Variants in CAMK1D observed in about 807,000 individuals in gnomAD.
The protein encoded by CAMK1D is calcium/calmodulin dependent protein kinase ID.
A neutral mutation model predicts 47.7 loss-of-function variants in CAMK1D; 9 were observed. That is an observed-to-expected ratio of 0.19 (90% confidence interval 0.11 to 0.33). CAMK1D has a LOEUF of 0.33. Among genes scored for constraint, CAMK1D ranks in the 10% least tolerant of loss-of-function variants. The pLI, the probability that CAMK1D is intolerant of heterozygous loss-of-function variation, is 1.00. For synonymous variants in CAMK1D, 184 were observed against 184.9 expected (o/e 0.99, Z 0.04); for missense variants, 291 against 488.7 (o/e 0.60, Z 3.81).
rs377686034 is a variant in CAMK1D at position 12,816,915 on chromosome 10, C to T, written c.833+587C>T. On this transcript the variant is annotated intron_variant, in intron 8 of 10. Coordinates refer to ENST00000619168, the MANE Select transcript of CAMK1D (RefSeq NM_153498.4). ...AAAAAAAGACATACCCGAGACTGGG[C>T]AATTTACAAAAGGAGGAGGTTTCAT... Among the ~76,000 whole-genome samples the T allele has an allele frequency of 6.1e-5, 9 of 148,000 alleles. No homozygotes were observed. The South Asian group carries it at 1.1e-3, about 18-fold the overall frequency.
At chr10:12,604,237 A>G (rs1380259091) in intron 2 of CAMK1D, among the ~76,000 whole-genome samples, 5 of 152,160 alleles carry the variant, frequency 3.3e-5, no homozygotes, top group African/African-American at 9.7e-5. Flanking sequence ...ATCATCGTTC[A>G]TTGTGAACGA....
At chr10:12,638,618 T>C (rs1482025947) in intron 2 of CAMK1D, among the ~76,000 whole-genome samples, 1 of 152,132 alleles carries the variant, frequency 6.6e-6, no homozygotes, top group Non-Finnish European at 1.5e-5. Context: ...GCACCCTCAG[T>C]TGGATGCCGC....
intron 1 of CAMK1D, among the ~76,000 whole-genome samples, chr10:12,351,367 C>G (rs1348185147): frequency 6.6e-6 from 1 of 152,126 alleles, no homozygotes; most frequent in Non-Finnish European, 1.5e-5. Context: ...TGGGTCAAAA[C>G]TTTTGAAAAT....
At chr10:12,652,016 TG>T (rs1839986230) in intron 2 of CAMK1D, among the ~76,000 whole-genome samples, 1 of 151,870 alleles carries the variant, frequency 6.6e-6, no homozygotes, top group Admixed American at 6.5e-5. Context: ...CCTGACCTCG[TG>T]ATCTGCCCGC....
At position 12,801,391 on chromosome 10, in the gene CAMK1D, T is replaced by TATCTATCTATCTATCTATCTATCC. The variant is rs1242051924; in HGVS notation, c.641+10161_641+10162insTATCTATCTATCTATCTATCCATC. 8.8e-3 allele frequency among the ~76,000 whole-genome samples: 1,283 copies of TATCTATCTATCTATCTATCTATCC among 145,126 alleles called. 14 individuals are homozygous for TATCTATCTATCTATCTATCTATCC. The highest frequency in any genetic ancestry group is 0.013 in the Non-Finnish European group (829 of 65,660). On this transcript the variant is annotated intron_variant, in intron 6 of 10. Coordinates refer to ENST00000619168, the MANE Select transcript of CAMK1D (RefSeq NM_153498.4). ...CTATCTATCTATCTATCTATCTATC[T>TATCTATCTATCTATCTATCTATCC]ATCCATCCATCTGTCCATCTCATTC...
intron 1 of CAMK1D, among the ~76,000 whole-genome samples, chr10:12,426,900 A>G (rs1332056339): frequency 1.3e-5 from 2 of 152,088 alleles, no homozygotes; most frequent in African/African-American, 4.8e-5. Flanking sequence ...ATTTTAGTAG[A>G]GACAGGCTGT....
chr10:12,818,658 G>C (rs1030062608), intron 8 of CAMK1D, among the ~76,000 whole-genome samples: 1 of 147,568 alleles, frequency 6.8e-6, no homozygotes, highest in African/African-American at 2.6e-5. Context: ...GCCACAGAGC[G>C]AGACTCTGTC....
At chr10:12,527,694 A>G (rs1451144850) in intron 1 of CAMK1D, among the ~76,000 whole-genome samples, 1 of 152,176 alleles carries the variant, frequency 6.6e-6, no homozygotes, top group African/African-American at 2.4e-5. Context: ...CTTTTGGATC[A>G]AAGTCAAGAG....
intron 1 of CAMK1D, among the ~76,000 whole-genome samples, chr10:12,462,246 A>C (rs1452341268): frequency 7.2e-6 from 1 of 138,904 alleles, no homozygotes; most frequent in Admixed American, 8.1e-5. Flanking sequence ...GCTCACTGCA[A>C]CCTTCGCCTC....
At chr10:12,682,469 TA>T (rs1832482059) in intron 3 of CAMK1D, among the ~76,000 whole-genome samples, 1 of 152,226 alleles carries the variant, frequency 6.6e-6, no homozygotes, top group Non-Finnish European at 1.5e-5. Context: ...ATCATACCTA[TA>T]AAAATATTTT....
chr10:12,522,795 C>T (rs1393790417), intron 1 of CAMK1D, among the ~76,000 whole-genome samples: 1 of 143,830 alleles, frequency 7.0e-6, no homozygotes, highest in African/African-American at 2.6e-5. Flanking sequence ...CGCCCACCAC[C>T]TCCCAGACGG....
intron 3 of CAMK1D, among the ~76,000 whole-genome samples, chr10:12,680,437 G>T (rs1356975123): frequency 6.6e-6 from 1 of 152,150 alleles, no homozygotes; most frequent in Non-Finnish European, 1.5e-5. Context: ...CTGTGGTCTC[G>T]TGTTGTTGTT....
chr10:12,717,106 A>G lies in CAMK1D; in HGVS notation c.300-43842A>G, dbSNP rs529639892. On this transcript the variant is annotated intron_variant, in intron 3 of 10. Transcript: ENST00000619168. ...TTTATTACATTTGGTTTAAAGTATT[A>G]TTCAGCAGACATAATATCTTTTTAA... Among the ~76,000 whole-genome samples the G allele has an allele frequency of 2.1e-3, 317 of 152,356 alleles. 1 individual carries two copies. The highest frequency in any genetic ancestry group is 3.8e-3 in the Non-Finnish European group (258 of 68,026).
rs574049588 is a variant in CAMK1D at position 12,469,958 on chromosome 10, A to G, written c.93-83267A>G. Among the ~76,000 whole-genome samples, 4 of 152,314 alleles carry G rather than the reference A, an allele frequency of 2.6e-5. No individual in the cohort carries two copies. The South Asian group carries it at 8.3e-4, about 32-fold the overall frequency. On this transcript the variant is annotated intron_variant, in intron 1 of 10. Transcript: ENST00000619168. ...TATCAGGGCATATTCTGATAGTTAT[A>G]TAAATGGGAGAATACCAGACAGAAG...
At chr10:12,436,614 A>G (rs1234191852) in intron 1 of CAMK1D, among the ~76,000 whole-genome samples, 1 of 152,174 alleles carries the variant, frequency 6.6e-6, no homozygotes, top group Non-Finnish European at 1.5e-5. Flanking sequence ...TTCTAATCTC[A>G]TAAGCTCGGA....
intron 2 of CAMK1D, among the ~76,000 whole-genome samples, chr10:12,598,852 C>T (rs972468275): frequency 1.3e-5 from 2 of 152,144 alleles, no homozygotes; most frequent in African/African-American, 4.8e-5. Flanking sequence ...CTGGATATAA[C>T]AAATCTATTT....
At chr10:12,774,783 C>T (rs1208497687) in intron 5 of CAMK1D, among the ~76,000 whole-genome samples, 2 of 152,254 alleles carry the variant, frequency 1.3e-5, no homozygotes, top group Admixed American at 6.5e-5. Flanking sequence ...CCGTTGTGAT[C>T]TGTGCCCGCA....
At chr10:12,578,440 C>T (rs537943463) in intron 2 of CAMK1D, among the ~76,000 whole-genome samples, 9 of 151,730 alleles carry the variant, frequency 5.9e-5, no homozygotes, top group Non-Finnish European at 1.2e-4. Flanking sequence ...CGTGGTGGTG[C>T]ATCCCTGTAA....
Position 12,574,468 on chromosome 10 carries a change from AT to A in CAMK1D, c.224+21141del, listed in dbSNP as rs1171556305. ...AGGTGCACACCACCACGCCTAGCTA[AT>A]TTTTTTTTTTTTTTTTTTTTTTTTT... On this transcript the variant is annotated intron_variant, in intron 2 of 10. Transcript: ENST00000619168. Among the ~76,000 whole-genome samples, 470 of 61,370 alleles carry A rather than the reference AT, an allele frequency of 7.7e-3. 10 individuals are homozygous for A. The highest frequency in any genetic ancestry group is 0.049 in the East Asian group (104 of 2,130). The allele number at this position is 61,370 out of a possible 152,430, so 40.3% of individuals were successfully genotyped here.
Sources: allele counts gnomAD v4.1 joint callset (sites outside exome capture counted in the v4.1 genomes callset), GRCh38; gene constraint gnomAD v4.1.1; transcripts MANE v1.5; gene names NCBI Gene and HGNC (gene_info 2026-07-23, HGNC 2026-07-21).